The following GSAP variants were observed in gnomAD, a reference collection of about 807,000 sequenced individuals.
GSAP encodes the protein gamma-secretase-activating protein.
GSAP carries 118 observed loss-of-function variants against 131.7 expected under a neutral mutation model. The observed-to-expected ratio is 0.90, with a 90% CI of 0.77 to 1.04. The LOEUF (loss-of-function observed/expected upper bound fraction) is 1.04, where lower values mean the gene tolerates loss of function less well. Among genes scored for constraint, GSAP ranks in the 50% least tolerant of loss-of-function variants. The pLI is 0.00. For missense variants in GSAP, 1,019 were observed against 1,013.2 expected (o/e 1.01, Z -0.08); for synonymous variants, 381 against 363.4 (o/e 1.05, Z -0.55).
chr7:77,376,411 C>G (rs570996302), intron 10 of GSAP, among the ~76,000 whole-genome samples: 1 of 152,286 alleles, frequency 6.6e-6, no homozygotes, highest in East Asian at 1.9e-4. Flanking sequence ...ATTTTACTTG[C>G]TCATACGAGT....
intron 19 of GSAP, among the ~76,000 whole-genome samples, chr7:77,340,169 C>A (rs2150751169): frequency 6.6e-6 from 1 of 152,328 alleles, no homozygotes; most frequent in South Asian, 2.1e-4. Flanking sequence ...CACCTTGTGA[C>A]ACACGCCCCT....
At chr7:77,377,509 A>G in intron 8 of GSAP, 119 bp from the exon 9 acceptor site, 1 of 1,241,250 alleles carries the variant, frequency 8.1e-7, no homozygotes, top group Non-Finnish European at 1.1e-6. Flanking sequence ...ATATTTCCAC[A>G]GTTCACTGTT....
At chr7:77,377,258 A>AAAAAAAAAAAAAAAAAAT in intron 9 of GSAP, 28 bp downstream of exon 9, 123 of 1,400,432 alleles carry the variant, frequency 8.8e-5, no homozygotes, top group South Asian at 1.1e-4. Context: ...AAAAAAAAAA[A>AAAAAAAAAAAAAAAAAAT]GGAGTGCCCG....
At chr7:77,374,006 TGA>T in intron 12 of GSAP, 62 bp downstream of exon 12, 1 of 864,174 alleles carries the variant, frequency 1.2e-6, no homozygotes, top group South Asian at 1.4e-5. Context: ...AGCTAAACAA[TGA>T]GTAAATTTTG....
At chr7:77,328,360 C>T (rs11977955) in intron 22 of GSAP, 351,365 of 1,250,644 alleles carry the variant, frequency 0.28, 51,377 homozygotes, top group East Asian at 0.44. Flanking sequence ...TAAGGAGAAC[C>T]GCAAGGCCAT....
intron 1 of GSAP, among the ~76,000 whole-genome samples, chr7:77,411,098 TAAAAAAA>T (rs57255266): frequency 9.2e-6 from 1 of 108,866 alleles, no homozygotes; most frequent in African/African-American, 3.6e-5. Context: ...AAGAAAATAG[TAAAAAAA>T]AAAAAAAAAA....
intron 18 of GSAP, chr7:77,351,593 A>G (rs1792867611): frequency 3.0e-6 from 3 of 985,714 alleles, no homozygotes; most frequent in Non-Finnish European, 3.6e-6. Context: ...AGTTCAGTAC[A>G]GGGAGGTTAT....
At chr7:77,351,231 A>AAAATT (rs1378742148) in intron 18 of GSAP, 1 of 980,738 alleles carries the variant, frequency 1.0e-6, no homozygotes, top group Non-Finnish European at 1.2e-6. Flanking sequence ...TACCTCAAAA[A>AAAATT]AAATTAAAAT....
intron 6 of GSAP, among the ~76,000 whole-genome samples, chr7:77,384,431 G>T (rs1174449856): frequency 1.3e-5 from 2 of 152,206 alleles, no homozygotes; most frequent in Non-Finnish European, 2.9e-5. Context: ...ACAGGATTCA[G>T]ACACAGCTCT....
At chr7:77,350,596 A>G (rs1379131159) in intron 18 of GSAP, among the ~76,000 whole-genome samples, 1 of 142,356 alleles carries the variant, frequency 7.0e-6, no homozygotes, top group Non-Finnish European at 1.5e-5. Flanking sequence ...AAAAAAAATT[A>G]GCCAGCCATG....
chr7:77,356,864 AAAGGG>A (rs1318538478), intron 14 of GSAP, among the ~76,000 whole-genome samples: 1 of 152,242 alleles, frequency 6.6e-6, no homozygotes, highest in Admixed American at 6.5e-5. Flanking sequence ...CGTTCTGTGG[AAAGGG>A]AAGAGGATAT....
chr7:77,329,256 T>C, intron 21 of GSAP, 77 bp downstream of exon 21: 1 of 797,456 alleles, frequency 1.3e-6, no homozygotes, highest in Non-Finnish European at 2.0e-6. Context: ...ACTACTTCTA[T>C]AAAAGGTAGC....
chr7:77,324,122 A>G (rs193124436), intron 23 of GSAP, among the ~76,000 whole-genome samples: 37 of 152,316 alleles, frequency 2.4e-4, no homozygotes, highest in Non-Finnish European at 4.0e-4. Context: ...ACAACTCTAT[A>G]TATAGAATGA....
Position 77,353,035 on chromosome 7 carries a change from A to ATT in GSAP, c.1409-11_1409-10dup. The ATT allele has an allele frequency of 6.5e-7, 1 of 1,534,738 alleles. No individual in the cohort carries two copies. Among genetic ancestry groups the ATT allele is most frequent in the Non-Finnish European group, 9.0e-7 (1 of 1,109,384 alleles). On this transcript the variant is annotated splice_polypyrimidine_tract_variant and intron_variant, in intron 17 of 30. Transcript: ENST00000257626. Reference sequence around the variant, plus strand: ...ACTCCAGTATGAAGAAGCTGAGTAGATTTTTTTTGAAACAGGGGGAAAAAA... The same window carrying ATT: ...ACTCCAGTATGAAGAAGCTGAGTAGATTTTTTTTTTGAAACAGGGGGAAAAAA...
At chr7:77,328,712 A>G in intron 21 of GSAP, 75 bp from the exon 22 acceptor site, 2 of 871,030 alleles carry the variant, frequency 2.3e-6, no homozygotes, top group East Asian at 2.5e-5. Context: ...ATACAAAGAT[A>G]TCCTCCTTTA....
chr7:77,337,828 G>C (rs530853512), intron 19 of GSAP, among the ~76,000 whole-genome samples: 94 of 152,200 alleles, frequency 6.2e-4, no homozygotes, highest in Non-Finnish European at 1.2e-3. Context: ...TCCTGTGGTT[G>C]AATAGTTTTA....
chr7:77,351,737 C>A, intron 18 of GSAP: 1 of 985,712 alleles, frequency 1.0e-6, no homozygotes, highest in Non-Finnish European at 1.2e-6. Flanking sequence ...GATATTCTCA[C>A]ACCACATCCA....
intron 1 of GSAP, among the ~76,000 whole-genome samples, chr7:77,412,867 T>G (rs919948852): frequency 2.3e-4 from 34 of 149,066 alleles, no homozygotes; most frequent in African/African-American, 8.5e-4. Flanking sequence ...CAAATCAGAG[T>G]GTTAATAAGT....
intron 19 of GSAP, among the ~76,000 whole-genome samples, chr7:77,342,152 T>C (rs1222134816): frequency 1.3e-5 from 2 of 152,352 alleles, no homozygotes; most frequent in East Asian, 1.9e-4. Context: ...CAGATCTTCT[T>C]GGCTTAGCGG....
Sources: gnomAD v4.1 joint callset for allele counts (sites outside exome capture counted in the v4.1 genomes callset) on GRCh38, gnomAD v4.1.1 for gene constraint, MANE v1.5 for transcripts, NCBI Gene and HGNC (gene_info 2026-07-23, HGNC 2026-07-21) for gene names.